The following NPR3 variants were observed in gnomAD, a reference collection of about 807,000 sequenced individuals.
The protein encoded by NPR3 is natriuretic peptide receptor 3.
A neutral mutation model predicts 54.5 loss-of-function variants in NPR3; 34 were observed. That is an observed-to-expected ratio of 0.62 (90% CI 0.47 to 0.83). NPR3 has a LOEUF of 0.83. NPR3 is among the 40% of genes least tolerant of loss of function. The pLI, the probability that NPR3 is intolerant of heterozygous loss-of-function variation, is 0.00. For synonymous variants in NPR3, 289 were observed against 297.1 expected (o/e 0.97, Z 0.28); for missense variants, 674 against 720.8 (o/e 0.94, Z 0.74).
At chr5:32,753,313 A>G (rs1353242923) in intron 3 of NPR3, among the ~76,000 whole-genome samples, 1 of 148,516 alleles carries the variant, frequency 6.7e-6, no homozygotes, top group Non-Finnish European at 1.5e-5. Flanking sequence ...TTGAAATGCT[A>G]TGCTATTTTC....
intron 2 of NPR3, among the ~76,000 whole-genome samples, chr5:32,737,740 T>C (rs1739822796): frequency 6.6e-6 from 1 of 152,094 alleles, no homozygotes; most frequent in African/African-American, 2.4e-5. Flanking sequence ...AAATAATTAT[T>C]CTTATTCATG....
chr5:32,773,435 G>A (rs1006288191), intron 3 of NPR3, among the ~76,000 whole-genome samples: 1 of 152,134 alleles, frequency 6.6e-6, no homozygotes, highest in African/African-American at 2.4e-5. Flanking sequence ...AAGTTCCTCA[G>A]TGTGGTCTCC....
chr5:32,759,852 C>G (rs543249651), intron 3 of NPR3, among the ~76,000 whole-genome samples: 4 of 152,122 alleles, frequency 2.6e-5, no homozygotes, highest in Non-Finnish European at 5.9e-5. Context: ...TTTTATTTCT[C>G]CTTCACTTAT....
upstream of NPR3, chr5:32,711,239 A>T (rs997166618): frequency 6.0e-6 from 4 of 664,026 alleles, no homozygotes; most frequent in African/African-American, 8.7e-5. Flanking sequence ...TGGAAACACA[A>T]GCCCGGCCTC....
intron 1 of NPR3, among the ~76,000 whole-genome samples, chr5:32,720,346 G>A (rs926893056): frequency 6.6e-6 from 1 of 152,196 alleles, no homozygotes; most frequent in Non-Finnish European, 1.5e-5. Flanking sequence ...CACATTAGAG[G>A]TTTCTCCCAA....
chr5:32,696,450 T>C (rs1740534993), intron 1 of NPR3, among the ~76,000 whole-genome samples: 2 of 152,066 alleles, frequency 1.3e-5, no homozygotes, highest in Non-Finnish European at 2.9e-5. Flanking sequence ...CAGCTTTTTT[T>C]TTTTCTTTTT....
intron 2 of NPR3, among the ~76,000 whole-genome samples, chr5:32,738,055 T>C (rs186838750): frequency 4.9e-4 from 75 of 152,304 alleles, no homozygotes; most frequent in Middle Eastern, 3.4e-3. Flanking sequence ...ACACAAATCT[T>C]TGAGTTCACC....
At chr5:32,756,840 G>A (rs1740870267) in intron 3 of NPR3, among the ~76,000 whole-genome samples, 1 of 152,112 alleles carries the variant, frequency 6.6e-6, no homozygotes, top group African/African-American at 2.4e-5. Context: ...AGTTTTCCCA[G>A]CACCATTTAT....
At position 32,724,783 on chromosome 5, in the gene NPR3, C is replaced by T; in HGVS notation, c.855C>T (p.Ala285=). The change falls in exon 2 of 8, where the codon GCC becomes GCT. Residue 285 remains alanine (A), a synonymous_variant. Coordinates refer to ENST00000265074, the MANE Select transcript of NPR3 (RefSeq NM_001204375.2). ...HRHGMTSGDY[A]FFNIELFNSS... is the part of the protein sequence containing the mutation. ...ATGGCATGACCAGTGGAGACTACGC[C>T]TTCTTCAACATTGAGCTCTTCAACA... 2 of 1,613,914 alleles carry T rather than the reference C, an allele frequency of 1.2e-6. No individual in the cohort carries two copies. The highest frequency in any genetic ancestry group is 1.7e-6 in the Non-Finnish European group (2 of 1,179,864).
chr5:32,716,012 G>A (rs770443390), intron 1 of NPR3, among the ~76,000 whole-genome samples: 3 of 152,182 alleles, frequency 2.0e-5, no homozygotes, highest in Non-Finnish European at 2.9e-5. Flanking sequence ...CATGATAAGT[G>A]TAAAATAACT....
At chr5:32,758,966 A>G (rs1164698433) in intron 3 of NPR3, among the ~76,000 whole-genome samples, 2 of 152,264 alleles carry the variant, frequency 1.3e-5, no homozygotes, top group Non-Finnish European at 1.5e-5. Context: ...GTGGTCCGAG[A>G]GACAGTTTGT....
chr5:32,749,614 C>A (rs1174465814), intron 3 of NPR3, among the ~76,000 whole-genome samples: 1 of 152,192 alleles, frequency 6.6e-6, no homozygotes, highest in Non-Finnish European at 1.5e-5. Context: ...TGTTCAGTTT[C>A]ACTACAAAAT....
At chr5:32,732,476 G>A (rs1269050315) in intron 2 of NPR3, among the ~76,000 whole-genome samples, 2 of 152,104 alleles carry the variant, frequency 1.3e-5, no homozygotes, top group African/African-American at 4.8e-5. Context: ...GGGGATATCA[G>A]GGAATGTGTG....
intron 4 of NPR3, among the ~76,000 whole-genome samples, chr5:32,776,701 G>A (rs1742067074): frequency 6.6e-6 from 1 of 152,100 alleles, no homozygotes; most frequent in African/African-American, 2.4e-5. Context: ...TATGTGCCAG[G>A]TGCTGTTCAA....
intron 1 of NPR3, among the ~76,000 whole-genome samples, 195 bp downstream of exon 1, chr5:32,712,740 G>A (rs1053999676): frequency 6.6e-6 from 1 of 152,242 alleles, no homozygotes; most frequent in African/African-American, 2.4e-5. Context: ...TACGTAGAGG[G>A]TCCCAGGGAG....
intron 1 of NPR3, among the ~76,000 whole-genome samples, chr5:32,703,781 G>A (rs1357336262): frequency 6.6e-6 from 1 of 152,220 alleles, no homozygotes; most frequent in African/African-American, 2.4e-5. Flanking sequence ...TGGAAGGAAG[G>A]AGTCTCTTGT....
upstream of NPR3, chr5:32,710,858 G>GTTTTTTTTTTTTTTTTT (rs1561072778): frequency 2.0e-5 from 21 of 1,047,730 alleles, no homozygotes; most frequent in Non-Finnish European, 2.4e-5. Flanking sequence ...CCCCAGTCCT[G>GTTTTTTTTTTTTTTTTT]GTTTTTTTTT....
In NPR3 at chr5:32,774,771, G is replaced by A. The variant is rs370002938; in HGVS notation, c.1123G>A (p.Val375Ile). Residue 375 changes from valine to isoleucine, a missense_variant, in exon 4 of 8, where the codon GTA becomes ATA. Physicochemically the swap from Val to Ile is conservative, Grantham distance 29. Coordinates refer to ENST00000265074, the MANE Select transcript of NPR3 (RefSeq NM_001204375.2). ...ILLYVLALHE[V>I]LRAGYSKKDG... ...CCTCTACGTCTTGGCTCTACATGAA[G>A]TACTCAGAGCTGGTTACAGCAAAAA... 3 of 1,601,344 alleles carry A rather than the reference G, an allele frequency of 1.9e-6. No individual in the cohort carries two copies. Among genetic ancestry groups the A allele is most frequent in the African/African-American group, 1.3e-5 (1 of 74,662 alleles).
At chr5:32,752,017 C>A (rs1325718426) in intron 3 of NPR3, among the ~76,000 whole-genome samples, 1 of 152,038 alleles carries the variant, frequency 6.6e-6, no homozygotes, top group East Asian at 1.9e-4. Flanking sequence ...GCCTGGCCAA[C>A]ATAGTGAAAC....
Sources: allele counts gnomAD v4.1 joint callset (sites outside exome capture counted in the v4.1 genomes callset), GRCh38; gene constraint gnomAD v4.1.1; transcripts MANE v1.5; gene names NCBI Gene and HGNC (gene_info 2026-07-23, HGNC 2026-07-21).